MIB1: variants seen among roughly 807,000 people sequenced by gnomAD.
MIB1 encodes MIB E3 ubiquitin protein ligase 1, also known as E3 ubiquitin-protein ligase MIB1.
Under a neutral mutation model 124.5 loss-of-function variants are expected in MIB1, and 278 were observed. The observed-to-expected ratio is 2.23, with a 90% CI of 2.02 to 2.47. The LOEUF (loss-of-function observed/expected upper bound fraction) is 2.47. MIB1 is among the 30% of genes most tolerant of loss of function. The probability of loss-of-function intolerance (pLI) is 0.00; values close to 1 mark genes in which losing one functional copy is unlikely to be tolerated. For synonymous variants in MIB1, 446 were observed against 429.4 expected (o/e 1.04, Z -0.48); for missense variants, 957 against 1,254.4 (o/e 0.76, Z 3.58).
chr18:21,802,819 G>GGGA (rs1470555102), intron 9 of MIB1, among the ~76,000 whole-genome samples: 3 of 152,134 alleles, frequency 2.0e-5, no homozygotes, highest in African/African-American at 4.8e-5. Context: ...TGGTGATTGG[G>GGGA]TATGTAGAGT....
chr18:21,843,280 TC>T (rs1433630914), intron 14 of MIB1, 63 bp downstream of exon 14: 3 of 1,155,846 alleles, frequency 2.6e-6, no homozygotes, highest in African/African-American at 3.2e-5. Flanking sequence ...TTTTAGAACT[TC>T]CTGAAAATTG....
chr18:21,760,543 G>A (rs978594665), intron 1 of MIB1, among the ~76,000 whole-genome samples: 1 of 152,192 alleles, frequency 6.6e-6, no homozygotes, highest in African/African-American at 2.4e-5. Context: ...GCATTTGGAT[G>A]TGCTTTTGTG....
intron 1 of MIB1, among the ~76,000 whole-genome samples, chr18:21,730,373 C>A (rs1375276605): frequency 6.6e-6 from 1 of 152,160 alleles, no homozygotes; most frequent in Non-Finnish European, 1.5e-5. Context: ...TCAAGACCAG[C>A]CTGGCCAACA....
chr18:21,821,603 GTTT>G (rs1331934133), intron 12 of MIB1, among the ~76,000 whole-genome samples: 1 of 135,394 alleles, frequency 7.4e-6, no homozygotes. Context: ...TGTTTTTTTT[GTTT>G]TTTTTTTTTT....
chr18:21,852,789 T>A (rs2042191576), intron 17 of MIB1, among the ~76,000 whole-genome samples: 1 of 152,202 alleles, frequency 6.6e-6, no homozygotes. Context: ...TTTTACTACT[T>A]TATTTGTTCG....
At chr18:21,706,846 G>T (rs779907088) in intron 1 of MIB1, among the ~76,000 whole-genome samples, 10 of 152,190 alleles carry the variant, frequency 6.6e-5, no homozygotes, top group Non-Finnish European at 1.0e-4. Context: ...CCCCACGAGC[G>T]CTGCCCCCTG....
chr18:21,839,290 C>T (rs2042061111), intron 13 of MIB1, among the ~76,000 whole-genome samples: 1 of 152,114 alleles, frequency 6.6e-6, no homozygotes, highest in Non-Finnish European at 1.5e-5. Flanking sequence ...AGCCACCTCC[C>T]CCCCACTACT....
intron 6 of MIB1, among the ~76,000 whole-genome samples, chr18:21,790,988 G>A (rs893592293): frequency 6.6e-6 from 1 of 151,902 alleles, no homozygotes; most frequent in Non-Finnish European, 1.5e-5. Context: ...CAGATCACTT[G>A]AGCTCAGGAG....
chr18:21,784,356 T>G (rs2041408855), intron 6 of MIB1, among the ~76,000 whole-genome samples: 1 of 152,150 alleles, frequency 6.6e-6, no homozygotes, highest in Admixed American at 6.6e-5. Context: ...CCTGTGTTGC[T>G]TATTTTCAGT....
At chr18:21,811,163 CAG>C (rs2041769023) in intron 10 of MIB1, among the ~76,000 whole-genome samples, 4 of 152,182 alleles carry the variant, frequency 2.6e-5, no homozygotes, top group African/African-American at 9.6e-5. Context: ...ACCAAAATGA[CAG>C]TGAGATACTG....
rs772629224 is a variant in MIB1, at chr18:21,844,227, G to A, written c.2185G>A (p.Ala729Thr). The change falls in exon 15 of 21, where the codon GCT becomes ACT. Residue 729 changes from alanine (A) to threonine (T), a missense_variant. By Grantham distance (58) the Ala-to-Thr change is moderately conservative. Transcript: ENST00000261537. ...QDMQDVGKVD[A>T]AWEPSKNTLI... ...TATGCAAGATGTGGGGAAGGTGGAT[G>A]CTGCCTGGGAGCCATCCAAAAACAC... 2.5e-6 allele frequency: 4 copies of A among 1,614,136 alleles called. No individual in the cohort carries two copies. The highest frequency in any genetic ancestry group is 1.3e-5 in the African/African-American group (1 of 75,042).
At chr18:21,744,288 CATA>C (rs751979688) in intron 1 of MIB1, among the ~76,000 whole-genome samples, 5 of 151,880 alleles carry the variant, frequency 3.3e-5, no homozygotes, top group Admixed American at 6.6e-5. Flanking sequence ...TATTTATTTG[CATA>C]ATATTAACAT....
chr18:21,793,743 T>C (rs1028550730), intron 7 of MIB1: 1 of 125,560 alleles, frequency 8.0e-6, no homozygotes, highest in Non-Finnish European at 1.5e-5. Flanking sequence ...ATCACACTTA[T>C]TGCACTCCAG....
chr18:21,721,578 AG>A (rs2040716274), intron 1 of MIB1, among the ~76,000 whole-genome samples: 1 of 152,144 alleles, frequency 6.6e-6, no homozygotes, highest in Non-Finnish European at 1.5e-5. Flanking sequence ...ATGTGTGTCA[AG>A]GGAATATTTT....
At chr18:21,796,121 G>T (rs2041576400) in intron 7 of MIB1, among the ~76,000 whole-genome samples, 1 of 151,296 alleles carries the variant, frequency 6.6e-6, no homozygotes, top group African/African-American at 2.4e-5. Context: ...GGGGTCGTTT[G>T]TTTTTTTCTT....
chr18:21,740,566 C>T (rs534688982), upstream of MIB1, among the ~76,000 whole-genome samples: 1 of 152,346 alleles, frequency 6.6e-6, no homozygotes, highest in East Asian at 1.9e-4. Flanking sequence ...AAAAACTGGC[C>T]ACATCACAGC....
intron 6 of MIB1, among the ~76,000 whole-genome samples, chr18:21,787,376 T>C (rs2041448032): frequency 6.6e-6 from 1 of 152,232 alleles, no homozygotes; most frequent in Non-Finnish European, 1.5e-5. Flanking sequence ...TTGGCTAAGA[T>C]AAAGAGCAGA....
chr18:21,863,082 G>A (rs2042290284), intron 20 of MIB1, among the ~76,000 whole-genome samples: 1 of 152,166 alleles, frequency 6.6e-6, no homozygotes, highest in Non-Finnish European at 1.5e-5. Flanking sequence ...TTGCGACAGA[G>A]GTGCGCTGCT....
At position 21,843,008 on chromosome 18, in the gene MIB1, G is replaced by T. The variant is rs560037840; in HGVS notation, c.1963-123G>T. 4.9e-6 allele frequency: 3 copies of T among 608,612 alleles called. No homozygotes were observed. In the South Asian group the frequency reaches 6.8e-5, roughly 14 times the overall value. The allele number at this position is 608,612 out of a possible 1,614,324, so 37.7% of individuals were successfully genotyped here. On this transcript the variant is annotated intron_variant, in intron 13 of 20. Transcript: ENST00000261537. ...GTTACCATATGAGAATAACATTGCA[G>T]CAGCTGAAGGAGAAAGTAGCCAGCA...
Sources: allele counts gnomAD v4.1 joint callset (sites outside exome capture counted in the v4.1 genomes callset), GRCh38; gene constraint gnomAD v4.1.1; transcripts MANE v1.5; gene names NCBI Gene and HGNC (gene_info 2026-07-23, HGNC 2026-07-21).